Variants in TTC21A observed in about 807,000 individuals in gnomAD.
The protein encoded by TTC21A is tetratricopeptide repeat domain 21A.
In TTC21A, 128 loss-of-function variants were observed where a neutral mutation model predicts 156.4. That is an observed-to-expected ratio of 0.82 (90% CI 0.71 to 0.95). TTC21A has a LOEUF of 0.95. TTC21A is among the 40% of genes least tolerant of loss of function. TTC21A has a pLI of 0.00. For missense variants in TTC21A, 1,435 were observed against 1,602.3 expected, an observed-to-expected ratio of 0.90 and a Z score of 1.78; for synonymous variants, 587 against 617.1, an observed-to-expected ratio of 0.95 and a Z score of 0.72.
intron 3 of TTC21A, 27 bp from the exon 4 acceptor site, chr3:39,110,824 C>T (rs756937220): frequency 6.2e-7 from 1 of 1,612,868 alleles, no homozygotes; most frequent in South Asian, 1.1e-5. Flanking sequence ...CCTAACTCTC[C>T]CTCTTCCTTC....
intron 19 of TTC21A, among the ~76,000 whole-genome samples, chr3:39,131,327 G>A (rs772912376): frequency 7.2e-5 from 11 of 152,246 alleles, no homozygotes; most frequent in Non-Finnish European, 1.2e-4. Context: ...AAGTAAGAGA[G>A]TGCCTTTGTC....
chr3:39,110,738 A>T, intron 3 of TTC21A, 113 bp from the exon 4 acceptor site: 1 of 1,113,580 alleles, frequency 9.0e-7, no homozygotes, highest in African/African-American at 1.6e-5. Context: ...AAGGAGATCC[A>T]CAGTGTCTGG....
Position 39,114,638 on chromosome 3 carries a change from C to T in TTC21A, c.612C>T (p.Asn204=), listed in dbSNP as rs1306400013. 5.6e-6 allele frequency: 9 copies of T among 1,614,074 alleles called. No homozygotes were observed. The highest frequency in any genetic ancestry group is 6.8e-6 in the Non-Finnish European group (8 of 1,180,030). The change falls in exon 6 of 29, where the codon AAC becomes AAT. Residue 204 remains asparagine (N), a synonymous_variant. Transcript: ENST00000683103. Reference sequence around the variant, plus strand: ...ACTCAGAGGCCCTGGAGGTGGTGAACCAGATCACTGTGACTTCAGGGAGCT... The same window carrying T: ...ACTCAGAGGCCCTGGAGGTGGTGAATCAGATCACTGTGACTTCAGGGAGCT... ...QNYSEALEVV[N]QITVTSGSFL...
At chr3:39,138,503 G>T in intron 27 of TTC21A, 53 bp from the exon 28 acceptor site, 1 of 1,612,260 alleles carries the variant, frequency 6.2e-7, no homozygotes, top group East Asian at 2.2e-5. Flanking sequence ...AGAACCAGAG[G>T]GGTTCTCAGG....
At chr3:39,113,099 T>C (rs2036970567) in intron 5 of TTC21A, among the ~76,000 whole-genome samples, 1 of 152,162 alleles carries the variant, frequency 6.6e-6, no homozygotes, top group South Asian at 2.1e-4. Flanking sequence ...TATTTTCTTC[T>C]GTTTGCATAT....
intron 9 of TTC21A, among the ~76,000 whole-genome samples, chr3:39,122,013 T>C (rs1404448052): frequency 6.6e-6 from 1 of 152,218 alleles, no homozygotes; most frequent in Non-Finnish European, 1.5e-5. Context: ...GAAAGATATC[T>C]TTAAAAGGTA....
intron 3 of TTC21A, 24 bp from the exon 4 acceptor site, chr3:39,110,827 C>T (rs778732047): frequency 2.5e-6 from 4 of 1,613,006 alleles, no homozygotes; most frequent in Admixed American, 1.7e-5. Context: ...AACTCTCCCT[C>T]TTCCTTCGCT....
At chr3:39,126,457 G>A (rs2038252332) in intron 12 of TTC21A, 67 bp downstream of exon 12, 1 of 1,389,556 alleles carries the variant, frequency 7.2e-7, no homozygotes, top group Non-Finnish European at 1.0e-6. Flanking sequence ...GTGTCTGCAG[G>A]CTCCTTGCCT....
Position 39,129,152 on chromosome 3 carries a change from C to T in TTC21A, c.1977C>T (p.Asn659=), listed in dbSNP as rs377132610. Residue 659 remains asparagine (N), a synonymous_variant, in exon 15 of 29, where the codon AAC becomes AAT. Coordinates refer to ENST00000683103, the MANE Select transcript of TTC21A (RefSeq NM_001366900.1). The part of the protein sequence containing the change: ...TPEENRITIA[N]VDLVLSKGNV... ...AAGAGAACCGCATCACCATTGCCAA[C>T]GTGGACTTGGTCCTGAGCAAGGGCA... The T allele has an allele frequency of 4.3e-5, 69 of 1,614,128 alleles. No homozygotes were observed. In the African/African-American group the frequency reaches 5.7e-4, roughly 13 times the overall value.
intron 14 of TTC21A, 37 bp downstream of exon 14, chr3:39,128,969 G>A: frequency 6.2e-7 from 1 of 1,610,722 alleles, no homozygotes; most frequent in South Asian, 1.1e-5. Context: ...GGGGACTGGG[G>A]CACACTGGAG....
chr3:39,128,330 G>C lies in TTC21A; in HGVS notation c.1523-1G>C. The C allele has an allele frequency of 1.2e-6, 2 of 1,613,912 alleles. No homozygotes were observed. Among genetic ancestry groups the C allele is most frequent in the Non-Finnish European group, 1.7e-6 (2 of 1,179,892 alleles). On this transcript the variant is annotated splice_acceptor_variant, in intron 12 of 28. Coordinates refer to ENST00000683103, the MANE Select transcript of TTC21A (RefSeq NM_001366900.1). LOFTEE classifies it high-confidence loss of function. ...TGTAGAGGTTTGTGTATTATTTCTA[G>C]GAGAGCTAGAGAATGCCCAGAGCAT...
In TTC21A at chr3:39,134,296, C is replaced by A; in HGVS notation, c.2830C>A (p.Gln944Lys). Residue 944 changes from glutamine (Q) to lysine (K), a missense_variant, in exon 21 of 29, where the codon CAG becomes AAG. By Grantham distance (53) the Gln-to-Lys change is moderately conservative. Coordinates refer to ENST00000683103, the MANE Select transcript of TTC21A (RefSeq NM_001366900.1). The surrounding 1 kb of genome is among the most constrained non-coding windows in gnomAD (Gnocchi z 4.6). ...LCEQHCAILL[Q>K]TEQNHETASV... ...TGAGCAGCACTGTGCCATCCTCCTG[C>A]AGACTGAGCAGAACCATGAGACCGC... 6.2e-7 allele frequency: 1 copy of A among 1,613,964 alleles called. No homozygotes were observed. Among genetic ancestry groups the A allele is most frequent in the Non-Finnish European group, 8.5e-7 (1 of 1,179,860 alleles).
In TTC21A at chr3:39,137,253, C is replaced by T. The variant is rs565002205; in HGVS notation, c.3316C>T (p.Arg1106Cys). Residue 1106 changes from arginine (R) to cysteine (C), a missense_variant, in exon 25 of 29, where the codon CGT becomes TGT. By Grantham distance (180) the Arg-to-Cys change is radical. Transcript: ENST00000683103. ...TGTGAGCACCGCCGAGAAACTGCTG[C>T]GTGAGTTTTACCCACATTCAGACTC... ...QGVSTAEKLLREFYPHSDSSQ... is the reference protein window; with the variant it reads ...QGVSTAEKLLCEFYPHSDSSQ... 5 of 1,614,190 alleles carry T rather than the reference C, an allele frequency of 3.1e-6. No homozygotes were observed. Among genetic ancestry groups the T allele is most frequent in the South Asian group, 1.1e-5 (1 of 91,080 alleles).
intron 10 of TTC21A, 63 bp downstream of exon 10, chr3:39,125,223 C>G (rs896644419): frequency 1.3e-6 from 2 of 1,535,352 alleles, no homozygotes; most frequent in South Asian, 1.1e-5. Context: ...CTCCCACCCC[C>G]ACTTTCCAAT....
intron 11 of TTC21A, among the ~76,000 whole-genome samples, 175 bp from the exon 12 acceptor site, chr3:39,126,086 A>C (rs966915680): frequency 5.3e-5 from 8 of 152,230 alleles, no homozygotes; most frequent in South Asian, 2.1e-4. Flanking sequence ...AACAGTGAAC[A>C]AAACAAAGTT....
rs1484142748 is a variant in TTC21A, at chr3:39,118,305, G to A, written c.801+152G>A. ...CCACCCCTATACTCGCTGCCAAGGA[G>A]GCCTGCTCTGGTTTGACTCTTTGAG... On this transcript the variant is annotated intron_variant, in intron 7 of 28. Transcript: ENST00000683103. 8 of 710,996 alleles carry A rather than the reference G, an allele frequency of 1.1e-5. No homozygotes were observed. The Admixed American group carries it at 1.4e-4, about 12-fold the overall frequency. 44.0% of individuals were successfully genotyped at this position (710,996 alleles called of 1,614,324 possible).
intron 11 of TTC21A, among the ~76,000 whole-genome samples, chr3:39,125,798 T>G (rs1277977346): frequency 6.6e-6 from 1 of 152,202 alleles, no homozygotes; most frequent in Non-Finnish European, 1.5e-5. Context: ...TGGATGCTGC[T>G]TGTCTAGGGA....
At chr3:39,111,415 G>A (rs1049718622) in intron 4 of TTC21A, among the ~76,000 whole-genome samples, 14 of 152,292 alleles carry the variant, frequency 9.2e-5, no homozygotes, top group African/African-American at 3.4e-4. Flanking sequence ...GTCTTGCCAT[G>A]TTGCCCAGGC....
intron 5 of TTC21A, 173 bp downstream of exon 5, chr3:39,112,753 A>G: frequency 1.7e-5 from 8 of 470,436 alleles, no homozygotes; most frequent in Non-Finnish European, 2.2e-5. Context: ...ACAGCAGTCC[A>G]AGGTCCACTC....
Sources: allele counts gnomAD v4.1 joint callset (sites outside exome capture counted in the v4.1 genomes callset), GRCh38; gene constraint gnomAD v4.1.1; non-coding constraint Gnocchi (gnomAD v3.1); transcripts MANE v1.5; gene names NCBI Gene and HGNC (gene_info 2026-07-23, HGNC 2026-07-21).